Variants in HUWE1 observed in about 807,000 individuals in gnomAD.
The protein encoded by HUWE1 is HECT, UBA and WWE domain containing E3 ubiquitin protein ligase 1, also known as E3 ubiquitin-protein ligase HUWE1.
HUWE1 carries 18 observed loss-of-function variants against 299.4 expected under a neutral mutation model. The ratio of observed to expected loss-of-function variants is 0.06; its 90% CI spans 0.04 to 0.09. The LOEUF (loss-of-function observed/expected upper bound fraction) is 0.09, where lower values mean the gene tolerates loss of function less well. HUWE1 is among the 10% of genes least tolerant of loss of function. The pLI, the probability that HUWE1 is intolerant of heterozygous loss-of-function variation, is 1.00. For synonymous variants in HUWE1, 1,317 were observed against 1,286.1 expected (o/e 1.02, Z -0.51); for missense variants, 1,832 against 3,462.3 (o/e 0.53, Z 11.82).
intron 47 of HUWE1, among the ~76,000 whole-genome samples, chrX:53,570,831 A>G (rs77125627): frequency 0.11 from 12,055 of 112,139 alleles, 625 homozygotes; most frequent in Non-Finnish European, 0.16. Flanking sequence ...AGTACACTTT[A>G]AAATGGTTGA....
At position 53,561,944 on chromosome X, in the gene HUWE1, T is replaced by C; in HGVS notation, c.7339-20A>G. 1 of 1,211,308 alleles carries C rather than the reference T, an allele frequency of 8.3e-7. No individual in the cohort carries two copies. Among genetic ancestry groups the C allele is most frequent in the East Asian group, 3.0e-5 (1 of 33,813 alleles). On this transcript the variant is annotated intron_variant, in intron 54 of 83. Coordinates refer to ENST00000262854, the MANE Select transcript of HUWE1 (RefSeq NM_031407.7). ...ATCCTCCTTAAGGGAAAATAGGAGATGGAGAATTGCTGGAGGTAAGGGTTT... is the reference window on the plus strand; with the variant it reads ...ATCCTCCTTAAGGGAAAATAGGAGACGGAGAATTGCTGGAGGTAAGGGTTT...
chrX:53,681,414 G>A (rs1192624807), intron 2 of HUWE1, among the ~76,000 whole-genome samples: 1 of 101,354 alleles, frequency 9.9e-6, no homozygotes, highest in African/African-American at 3.7e-5. Flanking sequence ...AGCCTGGCGA[G>A]AGCAAGACTC....
At chrX:53,616,918 T>C in intron 21 of HUWE1, 52 bp downstream of exon 21, 3 of 1,066,428 alleles carry the variant, frequency 2.8e-6, no homozygotes, top group Non-Finnish European at 3.9e-6. Context: ...AGGAAGAGTT[T>C]CCTTGCAAAC....
chrX:53,624,541 A>G, intron 19 of HUWE1, 54 bp downstream of exon 19: 1 of 760,658 alleles, frequency 1.3e-6, no homozygotes, highest in Non-Finnish European at 2.1e-6. Flanking sequence ...ACAGAGAGAG[A>G]GAGCTCTGCC....
At chrX:53,686,416 C>T (rs2070427887) in intron 1 of HUWE1, 48 bp from the exon 2 acceptor site, 1 of 112,927 alleles carries the variant, frequency 8.9e-6, no homozygotes, top group Non-Finnish European at 1.9e-5. Flanking sequence ...TGGGGCAGGC[C>T]GCCCTGCCCC....
chrX:53,597,627 G>C (rs2064566422), intron 29 of HUWE1, among the ~76,000 whole-genome samples: 1 of 83,726 alleles, frequency 1.2e-5, no homozygotes, highest in Admixed American at 1.4e-4. Context: ...TGCTAGTAAG[G>C]GAGTGCCTTT....
At chrX:53,652,242 A>G (rs1374937901) in intron 4 of HUWE1, among the ~76,000 whole-genome samples, 2 of 111,832 alleles carry the variant, frequency 1.8e-5, no homozygotes, top group Admixed American at 9.5e-5. Context: ...TAATGCTTGG[A>G]AAGACCATGC....
chrX:53,631,983 G>A, intron 9 of HUWE1: 1 of 323,316 alleles, frequency 3.1e-6, no homozygotes, highest in Non-Finnish European at 5.6e-6. Context: ...TTGCTTTCAA[G>A]GCAATTAAGC....
chrX:53,580,760 C>T lies in HUWE1; in HGVS notation c.5716+71G>A, dbSNP rs2063577828. On this transcript the variant is annotated intron_variant, in intron 43 of 83. Transcript: ENST00000262854. ...AGGCTCTTCAAGTTACAGACCTCCTCATAAATAAATTTCTGGATTTATACC... is the reference window on the plus strand; with the variant it reads ...AGGCTCTTCAAGTTACAGACCTCCTTATAAATAAATTTCTGGATTTATACC... 5.7e-6 allele frequency: 6 copies of T among 1,060,257 alleles called. No homozygotes were observed. In the East Asian group the frequency reaches 9.2e-5, roughly 16 times the overall value. The allele number at this position is 1,060,257 out of a possible 1,213,427, so 87.4% of individuals were successfully genotyped here.
chrX:53,573,716 G>C (rs782806597), intron 47 of HUWE1, 34 bp downstream of exon 47: 35 of 1,086,020 alleles, frequency 3.2e-5, no homozygotes, highest in Non-Finnish European at 4.2e-5. Context: ...TGGAAGTACA[G>C]TGTAACATCT....
In HUWE1 at chrX:53,569,846, C is replaced by T. The variant is rs782252436; in HGVS notation, c.6313-19G>A. Reference sequence around the variant, plus strand: ...TGCAGTCCTGAAAAGTCATGAATCACGACATTTACTTACAAGCACAATTAT... The same window carrying T: ...TGCAGTCCTGAAAAGTCATGAATCATGACATTTACTTACAAGCACAATTAT... On this transcript the variant is annotated intron_variant, in intron 47 of 83. Transcript: ENST00000262854. The T allele has an allele frequency of 1.5e-5, 17 of 1,166,707 alleles. No individual in the cohort carries two copies. Among genetic ancestry groups the T allele is most frequent in the East Asian group, 3.0e-5 (1 of 33,639 alleles).
chrX:53,603,629 C>T (rs1344254709), intron 26 of HUWE1, 128 bp from the exon 27 acceptor site: 8 of 581,532 alleles, frequency 1.4e-5, no homozygotes, highest in Non-Finnish European at 2.2e-5. Context: ...CAGAGTTATC[C>T]ACCTCATCAA....
At chrX:53,578,126 T>C (rs2063276782) in intron 43 of HUWE1, among the ~76,000 whole-genome samples, 1 of 94,535 alleles carries the variant, frequency 1.1e-5, no homozygotes, top group African/African-American at 4.0e-5. Context: ...GGAGCATCTC[T>C]GCCCGGCCGC....
intron 21 of HUWE1, 122 bp downstream of exon 21, chrX:53,616,848 G>T: frequency 1.9e-6 from 1 of 535,148 alleles, no homozygotes; most frequent in Non-Finnish European, 3.1e-6. Context: ...TAGAATGTAT[G>T]ATGATAATTC....
At chrX:53,599,359 G>A (rs2064689960) in intron 29 of HUWE1, among the ~76,000 whole-genome samples, 1 of 112,045 alleles carries the variant, frequency 8.9e-6, no homozygotes, top group Non-Finnish European at 1.9e-5. Context: ...AAACACCAAA[G>A]GCCATTTTCT....
At chrX:53,669,405 GA>G (rs782108629) in intron 3 of HUWE1, among the ~76,000 whole-genome samples, 39 of 112,099 alleles carry the variant, frequency 3.5e-4, no homozygotes, top group Admixed American at 3.4e-3. Flanking sequence ...ATGCTTGCTA[GA>G]AATGAAAGTG....
At chrX:53,553,398 T>A (rs1039031342) in intron 61 of HUWE1, among the ~76,000 whole-genome samples, 4 of 106,361 alleles carry the variant, frequency 3.8e-5, no homozygotes, top group Non-Finnish European at 7.8e-5. Context: ...TGCCTCGGCC[T>A]CCCAAAGTGC....
intron 17 of HUWE1, chrX:53,625,891 T>TGCCGGG (rs782400383): frequency 9.3e-6 from 3 of 323,244 alleles, no homozygotes; most frequent in Non-Finnish European, 1.8e-5. Flanking sequence ...CCAGGGCCGG[T>TGCCGGG]GCCGGGGCCG....
At chrX:53,638,280 C>T (rs2067346315) in intron 7 of HUWE1, among the ~76,000 whole-genome samples, 1 of 111,055 alleles carries the variant, frequency 9.0e-6, no homozygotes, top group Non-Finnish European at 1.9e-5. Flanking sequence ...GTGGAGCTGG[C>T]AGTGAGCCAA....
Sources: gnomAD v4.1 joint callset for allele counts (sites outside exome capture counted in the v4.1 genomes callset) on GRCh38, gnomAD v4.1.1 for gene constraint, MANE v1.5 for transcripts, NCBI Gene and HGNC (gene_info 2026-07-23, HGNC 2026-07-21) for gene names.